Variants in TRMT11 observed in about 807,000 individuals in gnomAD.
TRMT11 encodes tRNA (guanine(10)-N(2))-methyltransferase TRMT11.
TRMT11 carries 53 observed loss-of-function variants against 62.8 expected under a neutral mutation model. The observed-to-expected ratio is 0.84, with a 90% CI of 0.68 to 1.06. The LOEUF (loss-of-function observed/expected upper bound fraction) is 1.06, where lower values mean the gene tolerates loss of function less well. Among genes scored for constraint, TRMT11 ranks in the 50% least tolerant of loss-of-function variants. TRMT11 has a pLI of 0.00. For missense variants in TRMT11, 556 were observed against 553.4 expected, an observed-to-expected ratio of 1.00 and a Z score of -0.05; for synonymous variants, 188 against 190.3, an observed-to-expected ratio of 0.99 and a Z score of 0.10.
chr6:126,012,960 C>A lies in TRMT11; in HGVS notation c.1008-10C>A. The A allele has an allele frequency of 6.2e-7, 1 of 1,609,078 alleles. No homozygotes were observed. The highest frequency in any genetic ancestry group is 8.5e-7 in the Non-Finnish European group (1 of 1,177,122). On this transcript the variant is annotated splice_polypyrimidine_tract_variant and intron_variant, in intron 10 of 12. Coordinates refer to ENST00000334379, the MANE Select transcript of TRMT11 (RefSeq NM_001031712.3). ...TTCACTGATTTTGAAATTTTCTTTT[C>A]TTTGTGTAGTCCAGAAAGCCATGTT...
At chr6:126,269,367 G>A in the TRMT11 span, among the ~76,000 whole-genome samples, 1 of 150,122 alleles carries the variant, frequency 6.7e-6, no homozygotes, top group African/African-American at 2.5e-5. Flanking sequence ...CCTCTATACT[G>A]TATAAAAAAG....
chr6:126,073,398 C>G (rs113873222), intron 17 of TRMT11, among the ~76,000 whole-genome samples: 1 of 152,150 alleles, frequency 6.6e-6, no homozygotes, highest in African/African-American at 2.4e-5. Context: ...TTGAATGCAG[C>G]ACGCCAAATA....
At chr6:126,199,599 G>A (rs1052436623) in intron 2 of TRMT11, among the ~76,000 whole-genome samples, 2 of 152,162 alleles carry the variant, frequency 1.3e-5, no homozygotes, top group Non-Finnish European at 2.9e-5. Context: ...CTTTATTTCA[G>A]TGAAAACAGT....
chr6:126,064,153 G>A (rs1399790447), intron 17 of TRMT11, among the ~76,000 whole-genome samples: 1 of 151,980 alleles, frequency 6.6e-6, no homozygotes, highest in African/African-American at 2.4e-5. Context: ...GAGAAGATGG[G>A]GGTGAGCTCT....
intron 17 of TRMT11, among the ~76,000 whole-genome samples, chr6:126,053,744 A>G (rs1276863771): frequency 2.0e-5 from 3 of 151,974 alleles, no homozygotes; most frequent in Middle Eastern, 3.2e-3. Flanking sequence ...TGTCTTTTCA[A>G]TTAAAATTGT....
the TRMT11 span, among the ~76,000 whole-genome samples, chr6:126,223,562 CCTGT>C: frequency 6.6e-6 from 1 of 152,094 alleles, no homozygotes; most frequent in Non-Finnish European, 1.5e-5. Context: ...TTGTAGGTGA[CCTGT>C]CTTTCTTTCT....
At chr6:126,173,282 G>T (rs1438524914), upstream of TRMT11, among the ~76,000 whole-genome samples, 1 of 152,130 alleles carries the variant, frequency 6.6e-6, no homozygotes, top group Non-Finnish European at 1.5e-5. Flanking sequence ...AAGCATCCTT[G>T]AGGAGAGATT....
At chr6:126,138,146 T>A (rs577017002) in intron 21 of TRMT11, among the ~76,000 whole-genome samples, 2 of 151,956 alleles carry the variant, frequency 1.3e-5, no homozygotes, top group African/African-American at 2.4e-5. Context: ...AGATAAATAT[T>A]TGAGTTGATG....
chr6:126,027,455 T>A (rs575957736), intron 12 of TRMT11, among the ~76,000 whole-genome samples: 9 of 152,312 alleles, frequency 5.9e-5, no homozygotes, highest in Admixed American at 1.3e-4. Context: ...AAATAAAAAA[T>A]TATTTTAAAT....
At chr6:126,172,171 C>T (rs1778337046) in intron 21 of TRMT11, among the ~76,000 whole-genome samples, 1 of 152,110 alleles carries the variant, frequency 6.6e-6, no homozygotes, top group Admixed American at 6.5e-5. Flanking sequence ...TAGTACAGCA[C>T]CTTTTTTTCC....
intron 21 of TRMT11, among the ~76,000 whole-genome samples, chr6:126,150,270 A>G (rs1270872839): frequency 6.6e-6 from 1 of 152,178 alleles, no homozygotes. Context: ...GAGAGTCCTC[A>G]CTAGCAAGAA....
At chr6:126,221,193 G>A in the TRMT11 span, among the ~76,000 whole-genome samples, 3 of 152,104 alleles carry the variant, frequency 2.0e-5, no homozygotes, top group Admixed American at 6.6e-5. Context: ...CCATGTCTTT[G>A]TTATTGTGAA....
chr6:126,268,703 G>A, the TRMT11 span, among the ~76,000 whole-genome samples: 1 of 152,120 alleles, frequency 6.6e-6, no homozygotes, highest in East Asian at 1.9e-4. Flanking sequence ...AGACATGTTT[G>A]TTAGTGTTCT....
intron 12 of TRMT11, among the ~76,000 whole-genome samples, chr6:126,028,256 A>C (rs749833450): frequency 3.0e-4 from 45 of 152,250 alleles, no homozygotes; most frequent in Non-Finnish European, 5.9e-4. Context: ...TTTAAAACAA[A>C]GGGTAAGATA....
intron 21 of TRMT11, among the ~76,000 whole-genome samples, chr6:126,156,340 CT>C (rs1406492466): frequency 1.3e-5 from 2 of 152,178 alleles, no homozygotes; most frequent in African/African-American, 2.4e-5. Flanking sequence ...CACATTTCCC[CT>C]GGCACTGCCC....
rs776574296 is a variant in TRMT11, at chr6:125,998,069, TG to T, written c.233del (p.Gly78ValfsTer33). The T allele has an allele frequency of 5.6e-6, 9 of 1,612,366 alleles. No individual in the cohort carries two copies. The highest frequency in any genetic ancestry group is 1.7e-5 in the Admixed American group (1 of 60,010). On this transcript the variant is annotated frameshift_variant, in exon 4 of 13. Transcript: ENST00000334379. LOFTEE classifies it high-confidence loss of function. ...TVCAKSIFEL[W>X]GHGQSPEELY... ...ATTTCCTAGGTCTATATTTGAACTA[TG>T]GGGTCATGGACAATCTCCTGAGGAG... is the stretch of plus-strand genomic sequence containing the variant.
At chr6:126,228,406 G>A in the TRMT11 span, among the ~76,000 whole-genome samples, 7 of 152,150 alleles carry the variant, frequency 4.6e-5, no homozygotes, top group African/African-American at 1.4e-4. Flanking sequence ...ATAGAATAAC[G>A]TACTTGTGTA....
At chr6:126,240,992 A>G in the TRMT11 span, among the ~76,000 whole-genome samples, 1 of 152,256 alleles carries the variant, frequency 6.6e-6, no homozygotes. Context: ...CTCCGTGGGC[A>G]TAGGACCCTC....
the TRMT11 span, among the ~76,000 whole-genome samples, chr6:126,218,868 G>C: frequency 6.6e-6 from 1 of 152,168 alleles, no homozygotes. Context: ...AGGCTTGGTA[G>C]AACTCAAGTT....
Sources: allele counts gnomAD v4.1 joint callset (sites outside exome capture counted in the v4.1 genomes callset), GRCh38; gene constraint gnomAD v4.1.1; transcripts MANE v1.5; gene names NCBI Gene and HGNC (gene_info 2026-07-23, HGNC 2026-07-21).